The following DYM variants were observed in gnomAD, a reference collection of about 807,000 sequenced individuals.
DYM encodes dymeclin.
DYM carries 78 observed loss-of-function variants against 93.1 expected under a neutral mutation model. The observed-to-expected ratio is 0.84, with a 90% CI of 0.70 to 1.01. DYM has a LOEUF of 1.01. Ranked by LOEUF, DYM falls within the 50% of genes least tolerant of loss-of-function variation. DYM has a pLI of 0.00. For synonymous variants in DYM, 321 were observed against 319.7 expected (o/e 1.00, Z -0.04); for missense variants, 789 against 845.0 (o/e 0.93, Z 0.82).
At chr18:49,149,500 C>A (rs2085564635) in intron 15 of DYM, among the ~76,000 whole-genome samples, 1 of 152,042 alleles carries the variant, frequency 6.6e-6, no homozygotes, top group Admixed American at 6.6e-5. Flanking sequence ...AACTTGTTAT[C>A]TTCTAACATT....
intron 10 of DYM, among the ~76,000 whole-genome samples, chr18:49,276,463 A>C (rs895688939): frequency 1.3e-5 from 2 of 152,156 alleles, no homozygotes; most frequent in Non-Finnish European, 2.9e-5. Context: ...ATAGCACTTT[A>C]ATTCTGAAAG....
chr18:49,407,322 C>T (rs899653656), intron 2 of DYM, among the ~76,000 whole-genome samples: 7 of 152,140 alleles, frequency 4.6e-5, no homozygotes, highest in East Asian at 1.9e-4. Flanking sequence ...AATGAATGCA[C>T]GGATAAATAA....
chr18:49,236,034 T>G (rs1015874867), intron 13 of DYM, among the ~76,000 whole-genome samples: 1 of 152,230 alleles, frequency 6.6e-6, no homozygotes, highest in Non-Finnish European at 1.5e-5. Flanking sequence ...TTGTTTCAAC[T>G]TTTTTGTTCT....
chr18:49,345,872 C>T (rs1167217237), intron 6 of DYM, among the ~76,000 whole-genome samples: 1 of 152,100 alleles, frequency 6.6e-6, no homozygotes. Context: ...GGCAATACAA[C>T]CTGAGCAAAG....
intron 16 of DYM, chr18:49,114,450 A>T: frequency 1.5e-6 from 1 of 662,520 alleles, no homozygotes; most frequent in East Asian, 1.4e-4. Context: ...AGCACTGGGT[A>T]TAAGTCCAAC....
intron 15 of DYM, among the ~76,000 whole-genome samples, chr18:49,158,193 T>C (rs373659624): frequency 6.6e-6 from 1 of 152,234 alleles, no homozygotes; most frequent in East Asian, 1.9e-4. Context: ...TCTCTCTCAC[T>C]TTCTCTTCTG....
chr18:49,085,249 C>T (rs1276215114), intron 17 of DYM, among the ~76,000 whole-genome samples: 1 of 152,110 alleles, frequency 6.6e-6, no homozygotes, highest in African/African-American at 2.4e-5. Flanking sequence ...TAATTTAATA[C>T]CAAACCCATC....
rs1458798962 is a variant in DYM at position 49,037,944 on chromosome 18, C to T, written c.*6111G>A. 6.6e-6 allele frequency among the ~76,000 whole-genome samples: 1 copy of T among 152,202 alleles called. No homozygotes were observed. Among genetic ancestry groups the T allele is most frequent in the African/African-American group, 2.4e-5 (1 of 41,452 alleles). The stretch of plus-strand genomic sequence containing the variant: ...GGCACAAGTGATTCTCCTGCCTCAG[C>T]TTCCCAAGTAGCTGGGGCTATAGGC... On this transcript the variant is annotated 3_prime_UTR_variant, in exon 18 of 18. Coordinates refer to ENST00000675505, the MANE Select transcript of DYM (RefSeq NM_001353214.3).
rs1227365590 is a variant in DYM, at chr18:49,053,509, G to A, written c.2026-9305C>T. ...CCATATTAAGCCTCTGAATAGACAAGGAAATGGGAGATTGCTGGTCGCAAG... is the reference window on the plus strand; with the variant it reads ...CCATATTAAGCCTCTGAATAGACAAAGAAATGGGAGATTGCTGGTCGCAAG... On this transcript the variant is annotated intron_variant, in intron 17 of 17. Coordinates refer to ENST00000675505, the MANE Select transcript of DYM (RefSeq NM_001353214.3). Among the ~76,000 whole-genome samples the A allele has an allele frequency of 2.0e-5, 3 of 152,160 alleles. No individual in the cohort carries two copies. The East Asian group carries it at 5.8e-4, about 29-fold the overall frequency.
At chr18:49,198,218 A>G (rs2091659821) in intron 14 of DYM, among the ~76,000 whole-genome samples, 1 of 152,212 alleles carries the variant, frequency 6.6e-6, no homozygotes, top group Non-Finnish European at 1.5e-5. Context: ...TACACCTTAT[A>G]CAAAAATTAA....
intron 13 of DYM, among the ~76,000 whole-genome samples, chr18:49,228,760 G>A (rs2093613455): frequency 6.6e-6 from 1 of 152,114 alleles, no homozygotes; most frequent in South Asian, 2.1e-4. Flanking sequence ...TAGGAAATGG[G>A]TGAGGTGCAA....
At chr18:49,229,473 G>C (rs1378929046) in intron 13 of DYM, among the ~76,000 whole-genome samples, 1 of 152,016 alleles carries the variant, frequency 6.6e-6, no homozygotes, top group African/African-American at 2.4e-5. Flanking sequence ...GATCTAAATA[G>C]ACATTTCACC....
Position 49,111,204 on chromosome 18 carries a change from A to T in DYM, c.1911+7540T>A, listed in dbSNP as rs190964867. Among the ~76,000 whole-genome samples the T allele has an allele frequency of 3.5e-3, 527 of 151,400 alleles. 28 individuals are homozygous for T. In the East Asian group the frequency reaches 0.085, roughly 24 times the overall value. ...TAACATATTCTTCTTTTTTTTTTTT[A>T]AACAACCCTTTAAAAATGTAAAAAA... On this transcript the variant is annotated intron_variant, in intron 16 of 17. Transcript: ENST00000675505.
At chr18:49,363,683 C>G (rs1399990245) in intron 5 of DYM, among the ~76,000 whole-genome samples, 1 of 152,168 alleles carries the variant, frequency 6.6e-6, no homozygotes, top group African/African-American at 2.4e-5. Context: ...ATGGGAGGGC[C>G]TGAAGGTACC....
intron 5 of DYM, among the ~76,000 whole-genome samples, chr18:49,374,124 G>T (rs541598225): frequency 6.6e-6 from 1 of 152,150 alleles, no homozygotes; most frequent in Non-Finnish European, 1.5e-5. Context: ...CAATAACTGT[G>T]AAAGATGATG....
chr18:49,421,558 G>A (rs1488173746), intron 2 of DYM, among the ~76,000 whole-genome samples: 1 of 152,230 alleles, frequency 6.6e-6, no homozygotes, highest in African/African-American at 2.4e-5. Flanking sequence ...AACCAGAGCA[G>A]AAAAGCTGAA....
intron 2 of DYM, among the ~76,000 whole-genome samples, chr18:49,420,900 A>G (rs955273046): frequency 1.3e-5 from 2 of 152,124 alleles, no homozygotes; most frequent in East Asian, 3.9e-4. Flanking sequence ...ACACCCACGG[A>G]GCCTTGCTCA....
In DYM at chr18:49,044,080, T is replaced by C. The variant is rs2071146864; in HGVS notation, c.2150A>G (p.Gln717Arg). Residue 717 changes from glutamine to arginine, a missense_variant, in exon 18 of 18, where the codon CAG becomes CGG. Transcript: ENST00000675505. ...TCAGTCGGAATCCATGGTGAACAGC[T>C]GGATGTCCTGTGGATTCCAGTACAG... Reference protein sequence around the residue: ...VGLYWNPQDIQLFTMDSD With the variant: ...VGLYWNPQDIRLFTMDSD 1 of 1,613,772 alleles carries C rather than the reference T, an allele frequency of 6.2e-7. No homozygotes were observed. The highest frequency in any genetic ancestry group is 8.5e-7 in the Non-Finnish European group (1 of 1,180,038).
At chr18:49,233,467 A>T (rs751438760) in intron 13 of DYM, among the ~76,000 whole-genome samples, 1 of 152,144 alleles carries the variant, frequency 6.6e-6, no homozygotes, top group Non-Finnish European at 1.5e-5. Context: ...TCAGGTATAA[A>T]ATCTTTGTGT....
Sources: allele counts gnomAD v4.1 joint callset (sites outside exome capture counted in the v4.1 genomes callset), GRCh38; gene constraint gnomAD v4.1.1; transcripts MANE v1.5; gene names NCBI Gene and HGNC (gene_info 2026-07-23, HGNC 2026-07-21).